The following AK8 variants were observed in gnomAD, a reference collection of about 807,000 sequenced individuals.
The protein encoded by AK8 is ATP-AMP transphosphorylase 8.
In AK8, 44 loss-of-function variants were observed where a neutral mutation model predicts 54.6. That is an observed-to-expected ratio of 0.81 (90% CI 0.63 to 1.04). AK8 has a LOEUF of 1.04. Ranked by LOEUF, AK8 falls within the 50% of genes least tolerant of loss-of-function variation. AK8 has a pLI of 0.00. For missense variants in AK8, 555 were observed against 613.6 expected (o/e 0.90, Z 1.01); for synonymous variants, 239 against 245.6 (o/e 0.97, Z 0.25).
chr9:132,791,921 G>T lies in AK8; in HGVS notation c.1121+713C>A, dbSNP rs928127378. 6.6e-6 allele frequency among the ~76,000 whole-genome samples: 1 copy of T among 152,162 alleles called. No homozygotes were observed. The highest frequency in any genetic ancestry group is 1.5e-5 in the Non-Finnish European group (1 of 68,026). On this transcript the variant is annotated intron_variant, in intron 11 of 12. Coordinates refer to ENST00000298545, the MANE Select transcript of AK8 (RefSeq NM_152572.3). This position sits in a 1 kb window ranked among gnomAD's most constrained non-coding sequence, Gnocchi z 4.0. ...CTTAACCAGTCACACAGGAGGCCCC[G>T]CCTCTAGTTAACCCACCCAGCTTCC...
intron 10 of AK8, 114 bp from the exon 11 acceptor site, chr9:132,792,889 G>C: frequency 7.6e-7 from 1 of 1,321,100 alleles, no homozygotes; most frequent in Non-Finnish European, 1.0e-6. Flanking sequence ...TCTAGGTGGA[G>C]CCACTTGGAA....
At chr9:132,823,132 A>G in intron 9 of AK8, 73 bp downstream of exon 9, 1 of 1,471,032 alleles carries the variant, frequency 6.8e-7, no homozygotes, top group Non-Finnish European at 9.0e-7. Flanking sequence ...CCATAAAATG[A>G]GAGCTGGGGA....
intron 7 of AK8, chr9:132,827,731 G>C: frequency 2.2e-6 from 1 of 448,934 alleles, no homozygotes; most frequent in South Asian, 3.6e-5. Context: ...TGGCTCCTGT[G>C]TGGGCCCCAA....
At chr9:132,868,858 G>C (rs555208050) in intron 2 of AK8, among the ~76,000 whole-genome samples, 1 of 152,266 alleles carries the variant, frequency 6.6e-6, no homozygotes, top group South Asian at 2.1e-4. Flanking sequence ...GCATGTTTGG[G>C]TACAAGTGCA....
At chr9:132,780,056 A>G (rs1331084499) in intron 11 of AK8, among the ~76,000 whole-genome samples, 1 of 152,186 alleles carries the variant, frequency 6.6e-6, no homozygotes, top group African/African-American at 2.4e-5. Context: ...GCTGATTATG[A>G]AGGAGGAGGG....
intron 11 of AK8, among the ~76,000 whole-genome samples, chr9:132,768,529 A>G (rs1484577788): frequency 1.3e-5 from 2 of 152,242 alleles, no homozygotes; most frequent in East Asian, 1.9e-4. Flanking sequence ...AGCCTCCCCA[A>G]GTGCTGGGAT....
Position 132,792,651 on chromosome 9 carries a change from C to T in AK8, c.1104G>A (p.Leu368=). The T allele has an allele frequency of 6.4e-7, 1 of 1,553,840 alleles. No individual in the cohort carries two copies. The highest frequency in any genetic ancestry group is 8.7e-7 in the Non-Finnish European group (1 of 1,149,210). Residue 368 remains leucine, a synonymous_variant, in exon 11 of 13, where the codon CTG becomes CTA. Transcript: ENST00000298545. ...DLDQAHLLNR[L]GYNPNRVFFL... is the part of the protein sequence containing the mutation. ...CAGCTCACCTGTTGGGATTGTAGCC[C>T]AGGCGGTTCAGCAGGTGTGCCTGGT...
chr9:132,821,667 G>C (rs1307928015), intron 9 of AK8, among the ~76,000 whole-genome samples: 1 of 148,638 alleles, frequency 6.7e-6, no homozygotes, highest in Admixed American at 6.7e-5. Flanking sequence ...TTCTGGGGTG[G>C]TATATACATA....
chr9:132,759,649 T>A (rs180982102), intron 11 of AK8, among the ~76,000 whole-genome samples: 1 of 152,314 alleles, frequency 6.6e-6, no homozygotes, highest in East Asian at 1.9e-4. Flanking sequence ...AGGTAATTTT[T>A]TCCCACATGG....
chr9:132,792,802 C>A, intron 10 of AK8, 27 bp from the exon 11 acceptor site: 1 of 1,545,190 alleles, frequency 6.5e-7, no homozygotes, highest in South Asian at 1.2e-5. Flanking sequence ...CAAGTGAGTA[C>A]CCTGCTGGCC....
chr9:132,754,867 T>C (rs1352189969), intron 11 of AK8, among the ~76,000 whole-genome samples: 1 of 151,852 alleles, frequency 6.6e-6, no homozygotes, highest in African/African-American at 2.4e-5. Flanking sequence ...TGGTGCAATC[T>C]TGGCTCATTG....
At chr9:132,870,928 C>G (rs116467655) in intron 2 of AK8, among the ~76,000 whole-genome samples, 1 of 152,212 alleles carries the variant, frequency 6.6e-6, no homozygotes, top group Non-Finnish European at 1.5e-5. Flanking sequence ...TTAGCTGATT[C>G]GAGGCTTCTC....
chr9:132,853,796 A>AAAAG (rs1211060449), intron 5 of AK8, among the ~76,000 whole-genome samples: 9 of 151,062 alleles, frequency 6.0e-5, no homozygotes, highest in Non-Finnish European at 8.9e-5. Flanking sequence ...AAAAAAAAAA[A>AAAAG]AAAAAAAAAA....
intron 11 of AK8, among the ~76,000 whole-genome samples, chr9:132,754,020 C>T (rs957117208): frequency 1.3e-5 from 2 of 152,164 alleles, no homozygotes; most frequent in Non-Finnish European, 2.9e-5. Context: ...AGCTCTTTGC[C>T]GTCACACCAC....
Position 132,749,824 on chromosome 9 carries a change from C to T in AK8, c.1122-22290G>A, listed in dbSNP as rs566288856. ...CACTTGAAGGGGTGAGTGGGAAAGC[C>T]CACAGCCAGGAGCCACCAGAACCGG... On this transcript the variant is annotated intron_variant, in intron 11 of 12. Coordinates refer to ENST00000298545, the MANE Select transcript of AK8 (RefSeq NM_152572.3). Among the ~76,000 whole-genome samples the T allele has an allele frequency of 3.9e-5, 6 of 151,920 alleles. No homozygotes were observed. In the South Asian group the frequency reaches 1.2e-3, roughly 32 times the overall value.
chr9:132,744,651 A>G (rs1837553321), intron 11 of AK8, among the ~76,000 whole-genome samples: 1 of 152,196 alleles, frequency 6.6e-6, no homozygotes, highest in Non-Finnish European at 1.5e-5. Context: ...ATTAAGGGGG[A>G]AAAGTCCATC....
chr9:132,763,624 A>C (rs1157821982), intron 11 of AK8, among the ~76,000 whole-genome samples: 1 of 152,224 alleles, frequency 6.6e-6, no homozygotes, highest in Non-Finnish European at 1.5e-5. Context: ...ATGCCAAGCT[A>C]TAATCAATCC....
At chr9:132,734,203 T>A (rs557789244) in intron 11 of AK8, among the ~76,000 whole-genome samples, 1 of 152,208 alleles carries the variant, frequency 6.6e-6, no homozygotes, top group East Asian at 1.9e-4. Flanking sequence ...CAGGCACCCC[T>A]TCCCCCAAGA....
At chr9:132,855,943 C>T (rs565269356) in intron 4 of AK8, among the ~76,000 whole-genome samples, 1 of 152,282 alleles carries the variant, frequency 6.6e-6, no homozygotes, top group Admixed American at 6.5e-5. Context: ...AATCCGCATA[C>T]CCCACTCCTG....
Sources: gnomAD v4.1 joint callset for allele counts (sites outside exome capture counted in the v4.1 genomes callset) on GRCh38, gnomAD v4.1.1 for gene constraint, Gnocchi (gnomAD v3.1) non-coding constraint, MANE v1.5 for transcripts, NCBI Gene and HGNC (gene_info 2026-07-23, HGNC 2026-07-21) for gene names.